The following PHF14 variants were observed in gnomAD, a reference collection of about 807,000 sequenced individuals.
The protein encoded by PHF14 is PHD finger protein 14.
PHF14 carries 55 observed loss-of-function variants against 117.9 expected under a neutral mutation model. The observed-to-expected ratio is 0.47, with a 90% confidence interval of 0.38 to 0.58. PHF14 has a LOEUF of 0.58. Ranked by LOEUF, PHF14 falls within the 20% of genes least tolerant of loss-of-function variation. The pLI, the probability that PHF14 is intolerant of heterozygous loss-of-function variation, is 0.00. For synonymous variants in PHF14, 409 were observed against 368.6 expected (o/e 1.11, Z -1.26); for missense variants, 978 against 1,122.2 (o/e 0.87, Z 1.84).
chr7:10,981,765 C>T (rs1157883769), intron 2 of PHF14, among the ~76,000 whole-genome samples: 2 of 152,132 alleles, frequency 1.3e-5, no homozygotes, highest in East Asian at 3.9e-4. Flanking sequence ...TTTTTCTGTG[C>T]CATTGCTGTT....
At chr7:11,086,958 G>C (rs947026465) in intron 16 of PHF14, among the ~76,000 whole-genome samples, 1 of 151,994 alleles carries the variant, frequency 6.6e-6, no homozygotes, top group Non-Finnish European at 1.5e-5. Flanking sequence ...CTAAAAATAT[G>C]TATGTACTAT....
In PHF14 at chr7:10,990,708, G is replaced by A. The variant is rs1457797166; in HGVS notation, c.906G>A (p.Ser302=). 1.8e-5 allele frequency: 27 copies of A among 1,523,746 alleles called. No homozygotes were observed. Among genetic ancestry groups the A allele is most frequent in the Non-Finnish European group, 2.2e-5 (25 of 1,124,084 alleles). 94.4% of individuals were successfully genotyped at this position (1,523,746 alleles called of 1,614,324 possible). The change falls in exon 4 of 18, where the codon TCG becomes TCA. Residue 302 remains serine (S), a synonymous_variant. Transcript: ENST00000634607. ...TGTTAATATTTTAATATTAGGACTC[G>A]CTGATTCTTGAGAAGAGTCAAAACT... The part of the protein sequence containing the change: ...TLSQSKSNED[S]LILEKSQNWS...
intron 16 of PHF14, among the ~76,000 whole-genome samples, chr7:11,068,327 G>A (rs1785492441): frequency 7.4e-6 from 1 of 136,006 alleles, no homozygotes; most frequent in South Asian, 2.4e-4. Flanking sequence ...TCCAGCCTGG[G>A]TGACAGAGCG....
intron 13 of PHF14, among the ~76,000 whole-genome samples, chr7:11,043,297 ATTAAC>A (rs954752717): frequency 2.0e-5 from 3 of 150,652 alleles, no homozygotes; most frequent in African/African-American, 4.9e-5. Flanking sequence ...TTTTTTTTTT[ATTAAC>A]TTAGGCATAT....
At chr7:11,066,775 T>G (rs1785437810) in intron 16 of PHF14, among the ~76,000 whole-genome samples, 1 of 152,216 alleles carries the variant, frequency 6.6e-6, no homozygotes, top group Admixed American at 6.5e-5. Context: ...TTCCATTGAG[T>G]TATGTATTTA....
At chr7:11,116,207 T>G (rs927271667) in intron 17 of PHF14, among the ~76,000 whole-genome samples, 1 of 152,004 alleles carries the variant, frequency 6.6e-6, no homozygotes, top group Non-Finnish European at 1.5e-5. Context: ...ATTCCGCCAA[T>G]CTTCAGGTAC....
rs185793949 is a variant in PHF14, at chr7:11,030,919, A to G, written c.1455+2101A>G. On this transcript the variant is annotated intron_variant, in intron 7 of 17. Transcript: ENST00000634607. ...TGAACGATATTTCAAAACCCAGAAT[A>G]TTGCATGAATCAATATTAATGAAGT... Among the ~76,000 whole-genome samples the G allele has an allele frequency of 1.3e-4, 20 of 152,350 alleles. No individual in the cohort carries two copies. In the East Asian group the frequency reaches 3.1e-3, roughly 23 times the overall value.
intron 16 of PHF14, chr7:11,102,640 T>C: frequency 1.3e-6 from 2 of 1,505,404 alleles, no homozygotes; most frequent in Non-Finnish European, 1.8e-6. Context: ...TATAAGCTTG[T>C]CACTGCAAAA....
In PHF14 at chr7:11,138,041, C is replaced by CTTTTTT. The variant is rs34783802; in HGVS notation, c.2772+26582_2772+26587dup. Among the ~76,000 whole-genome samples, 987 of 145,532 alleles carry CTTTTTT rather than the reference C, an allele frequency of 6.8e-3. 10 individuals carry two copies. The highest frequency in any genetic ancestry group is 0.024 in the African/African-American group (946 of 39,568). ...CATGAGGAAACAGGGAAAAATACTT[C>CTTTTTT]TTTTTTTTTTTTTGAGACGGAGTCT... On this transcript the variant is annotated intron_variant, in intron 17 of 17. Coordinates refer to ENST00000634607, the MANE Select transcript of PHF14 (RefSeq NM_001007157.2).
chr7:11,119,627 TG>T (rs1403355398), intron 17 of PHF14, among the ~76,000 whole-genome samples: 4 of 151,884 alleles, frequency 2.6e-5, no homozygotes. Flanking sequence ...GCATTGTAGA[TG>T]TAGATATAGT....
At chr7:11,164,286 A>G (rs190696343) in intron 17 of PHF14, among the ~76,000 whole-genome samples, 10 of 152,310 alleles carry the variant, frequency 6.6e-5, no homozygotes, top group African/African-American at 1.9e-4. Flanking sequence ...TAGTTTGTTC[A>G]TATGGCCAAA....
chr7:11,147,039 A>G (rs1277292084), intron 17 of PHF14, among the ~76,000 whole-genome samples: 2 of 151,860 alleles, frequency 1.3e-5, no homozygotes, highest in African/African-American at 4.8e-5. Flanking sequence ...TAGAGACTGG[A>G]TTTTGCAATG....
chr7:10,998,711 C>G (rs1782751078), intron 4 of PHF14, among the ~76,000 whole-genome samples: 1 of 152,134 alleles, frequency 6.6e-6, no homozygotes, highest in Non-Finnish European at 1.5e-5. Context: ...CACTGATGAT[C>G]ACAAACATGT....
chr7:11,060,097 GA>G (rs1785165400), intron 14 of PHF14, among the ~76,000 whole-genome samples: 1 of 152,070 alleles, frequency 6.6e-6, no homozygotes, highest in Non-Finnish European at 1.5e-5. Flanking sequence ...GGCTGGTCTT[GA>G]ACTTTTAAGC....
intron 16 of PHF14, among the ~76,000 whole-genome samples, chr7:11,078,577 A>G (rs1785956812): frequency 6.6e-6 from 1 of 152,180 alleles, no homozygotes; most frequent in Admixed American, 6.5e-5. Context: ...TCAGAAGTTA[A>G]GAAGAGAAAG....
chr7:11,107,364 T>G, intron 16 of PHF14: 1 of 899,010 alleles, frequency 1.1e-6, no homozygotes, highest in Non-Finnish European at 1.3e-6. Context: ...GTTTATTTGG[T>G]CACTACATTT....
intron 4 of PHF14, among the ~76,000 whole-genome samples, chr7:10,999,404 A>G (rs1036467302): frequency 6.6e-6 from 1 of 152,140 alleles, no homozygotes. Context: ...TTGTGGTCTC[A>G]ATGTCTCACA....
At chr7:11,166,205 G>A (rs1789198381) in intron 17 of PHF14, among the ~76,000 whole-genome samples, 1 of 151,796 alleles carries the variant, frequency 6.6e-6, no homozygotes, top group Non-Finnish European at 1.5e-5. Context: ...TTTTCTTTAC[G>A]ATTGTTTCAG....
At chr7:11,069,096 G>T (rs1785521870) in intron 16 of PHF14, among the ~76,000 whole-genome samples, 1 of 152,062 alleles carries the variant, frequency 6.6e-6, no homozygotes, top group Non-Finnish European at 1.5e-5. Context: ...TCTTATTCTG[G>T]TAGCATCAGG....
Sources: allele counts gnomAD v4.1 joint callset (sites outside exome capture counted in the v4.1 genomes callset), GRCh38; gene constraint gnomAD v4.1.1; transcripts MANE v1.5; gene names NCBI Gene and HGNC (gene_info 2026-07-23, HGNC 2026-07-21).